MARS1: variants seen among roughly 807,000 people sequenced by gnomAD.
MARS1 encodes the protein methionyl-tRNA synthetase 1, also known as methionine--tRNA ligase, cytoplasmic.
Under a neutral mutation model 119.5 loss-of-function variants are expected in MARS1, and 80 were observed. The observed-to-expected ratio is 0.67, with a 90% CI of 0.56 to 0.81. The LOEUF (loss-of-function observed/expected upper bound fraction) is 0.81, where lower values mean the gene tolerates loss of function less well. MARS1 is among the 30% of genes least tolerant of loss of function. MARS1 has a pLI of 0.00. For synonymous variants in MARS1, 418 were observed against 433.4 expected (o/e 0.96, Z 0.44); for missense variants, 945 against 1,116.5 (o/e 0.85, Z 2.19).
Position 57,516,337 on chromosome 12 carries a change from A to G in MARS1, c.2556A>G (p.Gln852=). Residue 852 remains glutamine, a splice_region_variant and synonymous_variant, in exon 20 of 21, where the codon CAA becomes CAG. Coordinates refer to ENST00000262027, the MANE Select transcript of MARS1 (RefSeq NM_004990.4). ...IQALMDEVTK[Q]GNIVRELKAQ... Reference sequence around the variant, plus strand: ...CGCTGATGGATGAAGTGACAAAACAAGTATGAAGCTTAAGCCCTGTGGGAG... The same window carrying G: ...CGCTGATGGATGAAGTGACAAAACAGGTATGAAGCTTAAGCCCTGTGGGAG... 6.2e-7 allele frequency: 1 copy of G among 1,614,192 alleles called. No individual in the cohort carries two copies. The highest frequency in any genetic ancestry group is 1.1e-5 in the South Asian group (1 of 91,082).
At position 57,515,074 on chromosome 12, in the gene MARS1, G is replaced by A. The variant is rs1432395863; in HGVS notation, c.2204+16G>A. 1 of 1,614,158 alleles carries A rather than the reference G, an allele frequency of 6.2e-7. No homozygotes were observed. Among genetic ancestry groups the A allele is most frequent in the South Asian group, 1.1e-5 (1 of 91,078 alleles). On this transcript the variant is annotated intron_variant, in intron 17 of 20. Coordinates refer to ENST00000262027, the MANE Select transcript of MARS1 (RefSeq NM_004990.4). ...AGGCTGACAGGTAGGTAAGCGGGGA[G>A]GGTTGGCTAAAGGCATAAAGTGGCT...
Position 57,515,187 on chromosome 12 carries a change from A to G in MARS1, c.2242A>G (p.Ile748Val), listed in dbSNP as rs141308358. The change falls in exon 18 of 21, where the codon ATA (isoleucine) becomes GTA (valine). Residue 748 changes from isoleucine (I) to valine (V), a missense_variant. Physicochemically the swap from Ile to Val is conservative, Grantham distance 29 (BLOSUM62 3). Transcript: ENST00000262027. ...AGTVTGLAVN[I>V]AALLSVMLQP... ...AACAGTGACTGGCTTGGCAGTGAATATAGCTGCCTTGCTCTCTGTCATGCT... is the reference window on the plus strand; with the variant it reads ...AACAGTGACTGGCTTGGCAGTGAATGTAGCTGCCTTGCTCTCTGTCATGCT... The G allele has an allele frequency of 1.2e-6, 2 of 1,614,072 alleles. No homozygotes were observed. The highest frequency in any genetic ancestry group is 1.6e-4 in the Middle Eastern group (1 of 6,084).
At chr12:57,497,483 G>C (rs778184114) in intron 7 of MARS1, among the ~76,000 whole-genome samples, 3 of 152,192 alleles carry the variant, frequency 2.0e-5, no homozygotes, top group Non-Finnish European at 4.4e-5. Context: ...GATGTGTACA[G>C]CTCAGATGTC....
chr12:57,515,434 G>C, intron 18 of MARS1, 98 bp downstream of exon 18: 1 of 1,221,244 alleles, frequency 8.2e-7, no homozygotes. Flanking sequence ...GTGTTACTTT[G>C]GTCATGGGAC....
intron 7 of MARS1, among the ~76,000 whole-genome samples, chr12:57,492,669 TCACA>T (rs58931225): frequency 0.12 from 16,273 of 139,100 alleles, 1,103 homozygotes; most frequent in African/African-American, 0.2. Context: ...CGACTCCATT[TCACA>T]CACACACACA....
chr12:57,496,526 C>G (rs911770355), intron 7 of MARS1, among the ~76,000 whole-genome samples: 1 of 152,078 alleles, frequency 6.6e-6, no homozygotes, highest in African/African-American at 2.4e-5. Flanking sequence ...TGCCTGAAAT[C>G]CCAGCACTTT....
Position 57,515,969 on chromosome 12 carries a change from G to A in MARS1, c.2441G>A (p.Arg814Lys). Residue 814 changes from arginine (R) to lysine (K), a missense_variant, in exon 19 of 21, where the codon AGG (arginine) becomes AAG (lysine). Coordinates refer to ENST00000262027, the MANE Select transcript of MARS1 (RefSeq NM_004990.4). Reference sequence around the variant, plus strand: ...GAAAATGACCAGATTGAAAGTTTAAGGCAGCGCTTTGGAGGGGGCCAGGTG... The same window carrying A: ...GAAAATGACCAGATTGAAAGTTTAAAGCAGCGCTTTGGAGGGGGCCAGGTG... ...KLENDQIESL[R>K]QRFGGGQAKT... 1.9e-6 allele frequency: 3 copies of A among 1,614,166 alleles called. No homozygotes were observed. The highest frequency in any genetic ancestry group is 2.2e-5 in the East Asian group (1 of 44,884).
intron 7 of MARS1, among the ~76,000 whole-genome samples, chr12:57,495,411 G>C (rs1024839696): frequency 6.9e-6 from 1 of 145,930 alleles, no homozygotes; most frequent in Non-Finnish European, 1.5e-5. Context: ...CGGGGCGGCG[G>C]GGCAGAGGCG....
At chr12:57,490,168 C>T (rs369619471) in intron 5 of MARS1, 39 bp from the exon 6 acceptor site, 5 of 1,594,838 alleles carry the variant, frequency 3.1e-6, no homozygotes, top group African/African-American at 2.7e-5. Context: ...CCTACCAGGT[C>T]CTTATGTTTG....
chr12:57,507,868 G>T (rs982158229), intron 11 of MARS1, among the ~76,000 whole-genome samples: 4 of 151,290 alleles, frequency 2.6e-5, no homozygotes, highest in African/African-American at 9.7e-5. Flanking sequence ...CCCAGACGGG[G>T]TAGCTGCCGG....
chr12:57,497,948 C>T lies in MARS1; in HGVS notation c.771-209C>T, dbSNP rs377588465. Among the ~76,000 whole-genome samples, 79 of 152,256 alleles carry T rather than the reference C, an allele frequency of 5.2e-4. 1 individual carries two copies. The Middle Eastern group carries it at 0.034, about 66-fold the overall frequency. On this transcript the variant is annotated intron_variant, in intron 7 of 20. Transcript: ENST00000262027. ...TTCATAGCAGTACAGGAGACTTCCT[C>T]ACTGTGGCAGTGCCCTGTATTTGCA...
chr12:57,515,464 A>C (rs1017965487), intron 18 of MARS1, 128 bp downstream of exon 18: 3 of 857,780 alleles, frequency 3.5e-6, no homozygotes, highest in Non-Finnish European at 5.3e-6. Flanking sequence ...TCTGATATAA[A>C]GTCCTTGGTA....
Position 57,490,556 on chromosome 12 carries a change from C to T in MARS1, c.682C>T (p.Leu228=), listed in dbSNP as rs780902574. The T allele has an allele frequency of 3.1e-6, 5 of 1,614,126 alleles. No individual in the cohort carries two copies. The South Asian group carries it at 5.5e-5, about 18-fold the overall frequency. The change falls in exon 7 of 21, where the codon CTA becomes TTA. Residue 228 remains leucine (L), a synonymous_variant. Transcript: ENST00000262027. ...NEPEEEELAT[L]SEEEIAMAVT... ...TTTATAGGAGGAGGAGCTGGCTACCCTATCTGAGGAGGAGATTGCTATGGC... is the reference window on the plus strand; with the variant it reads ...TTTATAGGAGGAGGAGCTGGCTACCTTATCTGAGGAGGAGATTGCTATGGC...
chr12:57,503,564 TGAGACA>T (rs1565646341), intron 10 of MARS1, among the ~76,000 whole-genome samples: 1 of 151,432 alleles, frequency 6.6e-6, no homozygotes, highest in Non-Finnish European at 1.5e-5. Flanking sequence ...TTTTTTTTTT[TGAGACA>T]GAGTCTGCTC....
chr12:57,515,381 T>C (rs1877750403), intron 18 of MARS1, 45 bp downstream of exon 18: 4 of 1,582,518 alleles, frequency 2.5e-6, no homozygotes, highest in Non-Finnish European at 3.4e-6. Flanking sequence ...ACTCTTGCCA[T>C]GCAGCTTTTG....
Position 57,516,305 on chromosome 12 carries a change from A to G in MARS1, c.2524A>G (p.Ile842Val). Reference sequence around the variant, plus strand: ...TGTTACAACAGCCAAGCCACAGCAGATACAAGCGCTGATGGATGAAGTGAC... The same window carrying G: ...TGTTACAACAGCCAAGCCACAGCAGGTACAAGCGCTGATGGATGAAGTGAC... The part of the protein sequence containing the change: ...ETVTTAKPQQ[I>V]QALMDEVTKQ... The change falls in exon 20 of 21, where the codon ATA becomes GTA. Residue 842 changes from isoleucine (I) to valine (V), a missense_variant. Physicochemically the swap from Ile to Val is conservative, Grantham distance 29. Coordinates refer to ENST00000262027, the MANE Select transcript of MARS1 (RefSeq NM_004990.4). 1.2e-6 allele frequency: 2 copies of G among 1,614,222 alleles called. No homozygotes were observed. Among genetic ancestry groups the G allele is most frequent in the Non-Finnish European group, 8.5e-7 (1 of 1,180,026 alleles).
chr12:57,509,198 A>G (rs1372339268), intron 11 of MARS1, among the ~76,000 whole-genome samples: 1 of 152,130 alleles, frequency 6.6e-6, no homozygotes, highest in Admixed American at 6.6e-5. Context: ...ATCTCCCATC[A>G]TGTTTTAAAC....
In MARS1 at chr12:57,488,287, A is replaced by G. The variant is rs559762969; in HGVS notation, c.109+88A>G. 233 of 1,261,544 alleles carry G rather than the reference A, an allele frequency of 1.8e-4. No homozygotes were observed. In the Middle Eastern group the frequency reaches 2.6e-3, roughly 14 times the overall value. The allele number at this position is 1,261,544 out of a possible 1,614,324, so 78.1% of individuals were successfully genotyped here. On this transcript the variant is annotated intron_variant, in intron 1 of 20. Coordinates refer to ENST00000262027, the MANE Select transcript of MARS1 (RefSeq NM_004990.4). ...CTGCAGCTGTCTTTGCCAAACCCCT[A>G]GCCCTCGCCACACACCCCAATCGAC...
chr12:57,503,102 CAA>C (rs1209858215), intron 10 of MARS1, among the ~76,000 whole-genome samples: 1 of 152,178 alleles, frequency 6.6e-6, no homozygotes, highest in Non-Finnish European at 1.5e-5. Flanking sequence ...AGAGCAACAA[CAA>C]AAAACTCGAA....
Sources: allele counts gnomAD v4.1 joint callset (sites outside exome capture counted in the v4.1 genomes callset), GRCh38; gene constraint gnomAD v4.1.1; transcripts MANE v1.5; gene names NCBI Gene and HGNC (gene_info 2026-07-23, HGNC 2026-07-21).